Variants in FRMD6 observed in about 807,000 individuals in gnomAD.
FRMD6 encodes the protein FERM domain containing 6.
In FRMD6, 37 loss-of-function variants were observed where a neutral mutation model predicts 73.2. That is an observed-to-expected ratio of 0.51 (90% confidence interval 0.39 to 0.66). The LOEUF (loss-of-function observed/expected upper bound fraction) is 0.66, where lower values mean the gene tolerates loss of function less well. FRMD6 is among the 30% of genes least tolerant of loss of function. The probability of loss-of-function intolerance (pLI) is 0.00; values close to 1 mark genes in which losing one functional copy is unlikely to be tolerated. For synonymous variants in FRMD6, 273 were observed against 282.2 expected (o/e 0.97, Z 0.33); for missense variants, 714 against 780.5 (o/e 0.91, Z 1.02).
intron 2 of FRMD6, among the ~76,000 whole-genome samples, chr14:51,587,109 A>G (rs976318363): frequency 2.6e-5 from 4 of 152,156 alleles, no homozygotes; most frequent in Non-Finnish European, 5.9e-5. Context: ...ATTCTTCTGC[A>G]TGTGGCTATG....
intron 2 of FRMD6, among the ~76,000 whole-genome samples, chr14:51,598,971 C>T (rs1181894523): frequency 2.6e-5 from 4 of 151,292 alleles, no homozygotes; most frequent in African/African-American, 9.7e-5. Context: ...AATCTCCAAA[C>T]TGCTTTCCAC....
chr14:51,641,877 G>A (rs1432935594), intron 2 of FRMD6, among the ~76,000 whole-genome samples: 1 of 152,010 alleles, frequency 6.6e-6, no homozygotes, highest in African/African-American at 2.4e-5. Flanking sequence ...ATAAAGCTGT[G>A]ACACCAAAAA....
intron 1 of FRMD6, among the ~76,000 whole-genome samples, chr14:51,522,666 C>CT (rs1885015675): frequency 1.3e-5 from 2 of 152,188 alleles, no homozygotes; most frequent in Admixed American, 1.3e-4. Context: ...CACAAGTGTC[C>CT]CTTTTTGGGA....
chr14:51,633,899 G>A (rs1891440485), intron 2 of FRMD6, among the ~76,000 whole-genome samples: 2 of 152,160 alleles, frequency 1.3e-5, no homozygotes, highest in South Asian at 4.1e-4. Context: ...CAGAAATTCA[G>A]TACATGCAGA....
chr14:51,492,939 C>T (rs1262943306), intron 1 of FRMD6, among the ~76,000 whole-genome samples: 1 of 152,178 alleles, frequency 6.6e-6, no homozygotes. Flanking sequence ...GCCTGGATTA[C>T]AAACTCCTTC....
intron 1 of FRMD6, among the ~76,000 whole-genome samples, chr14:51,561,556 A>G (rs1400187247): frequency 6.6e-6 from 1 of 152,262 alleles, no homozygotes; most frequent in Non-Finnish European, 1.5e-5. Flanking sequence ...GGCAAATAGC[A>G]ATAGACTTGT....
At chr14:51,562,517 G>A (rs992512594) in intron 1 of FRMD6, among the ~76,000 whole-genome samples, 8 of 152,178 alleles carry the variant, frequency 5.3e-5, no homozygotes, top group African/African-American at 1.2e-4. Context: ...TCAACCATGC[G>A]TGGGGACTGC....
At chr14:51,667,368 T>G (rs1466880312) in intron 1 of FRMD6, among the ~76,000 whole-genome samples, 1 of 152,174 alleles carries the variant, frequency 6.6e-6, no homozygotes, top group East Asian at 1.9e-4. Flanking sequence ...GTCGGAAGAA[T>G]GAAGTAATAT....
At chr14:51,661,700 A>T (rs569429936) in intron 1 of FRMD6, among the ~76,000 whole-genome samples, 10 of 152,344 alleles carry the variant, frequency 6.6e-5, no homozygotes, top group Admixed American at 3.3e-4. Flanking sequence ...AGAGTTGCTC[A>T]TTGGATTTAG....
intron 1 of FRMD6, among the ~76,000 whole-genome samples, chr14:51,540,769 A>C (rs192043786): frequency 6.6e-6 from 1 of 152,258 alleles, no homozygotes; most frequent in African/African-American, 2.4e-5. Context: ...AAATGAAATA[A>C]TTGTTTTGCT....
chr14:51,597,311 C>A (rs939312065), intron 2 of FRMD6, among the ~76,000 whole-genome samples: 1 of 152,218 alleles, frequency 6.6e-6, no homozygotes, highest in Non-Finnish European at 1.5e-5. Flanking sequence ...AAGTACTTCG[C>A]TATTTCAGCA....
chr14:51,523,435 G>T (rs1885057666), intron 1 of FRMD6, among the ~76,000 whole-genome samples: 1 of 152,158 alleles, frequency 6.6e-6, no homozygotes, highest in Non-Finnish European at 1.5e-5. Context: ...ATGCAGAACT[G>T]GGGCAACGCT....
Position 51,701,107 on chromosome 14 carries a change from C to T in FRMD6, c.242C>T (p.Pro81Leu). The T allele has an allele frequency of 6.3e-7, 1 of 1,576,162 alleles. No homozygotes were observed. Among genetic ancestry groups the T allele is most frequent in the Non-Finnish European group, 8.6e-7 (1 of 1,157,800 alleles). ...ELSQKLYKYC[P>L]KEWKKEASKV... is the part of the protein sequence containing the mutation. ...TCACAAAAGCTTTACAAATATTGTCCAAAAGAATGGAAGAAAGAGGCCAGC... is the reference window on the plus strand; with the variant it reads ...TCACAAAAGCTTTACAAATATTGTCTAAAAGAATGGAAGAAAGAGGCCAGC... The change falls in exon 4 of 14, where the codon CCA becomes CTA. Residue 81 changes from proline (P) to leucine (L), a missense_variant. Pro to Leu is a moderately conservative substitution (Grantham distance 98). Coordinates refer to ENST00000344768, the MANE Select transcript of FRMD6 (RefSeq NM_001267046.2).
At chr14:51,661,556 A>G (rs1893220765) in intron 1 of FRMD6, among the ~76,000 whole-genome samples, 1 of 152,168 alleles carries the variant, frequency 6.6e-6, no homozygotes, top group South Asian at 2.1e-4. Context: ...TCAGTAAAAG[A>G]AAATTAAAAA....
chr14:51,521,767 G>A (rs1185104337), intron 1 of FRMD6, among the ~76,000 whole-genome samples: 1 of 150,654 alleles, frequency 6.6e-6, no homozygotes, highest in Non-Finnish European at 1.5e-5. Flanking sequence ...AAATTTTCAT[G>A]CAGGAGGCTT....
chr14:51,667,380 G>GTATCC (rs969563436), intron 1 of FRMD6, among the ~76,000 whole-genome samples: 1 of 151,990 alleles, frequency 6.6e-6, no homozygotes, highest in Non-Finnish European at 1.5e-5. Flanking sequence ...AAGTAATATG[G>GTATCC]TATCCTGAAA....
At chr14:51,579,274 C>T (rs1376215826) in intron 2 of FRMD6, 1 of 152,074 alleles carries the variant, frequency 6.6e-6, no homozygotes, top group Non-Finnish European at 1.5e-5. Flanking sequence ...TGCAGAGTGC[C>T]CTGATAATAA....
chr14:51,434,144 A>C, the FRMD6 span, among the ~76,000 whole-genome samples: 1 of 152,170 alleles, frequency 6.6e-6, no homozygotes, highest in Non-Finnish European at 1.5e-5. Context: ...TTAGAATAGG[A>C]GGTATCAGCG....
At chr14:51,600,904 C>T (rs1257422344) in intron 2 of FRMD6, among the ~76,000 whole-genome samples, 2 of 152,156 alleles carry the variant, frequency 1.3e-5, no homozygotes, top group Non-Finnish European at 2.9e-5. Flanking sequence ...CAGCAGTTGC[C>T]CATAGCCTGG....
Sources: allele counts gnomAD v4.1 joint callset (sites outside exome capture counted in the v4.1 genomes callset), GRCh38; gene constraint gnomAD v4.1.1; transcripts MANE v1.5; gene names NCBI Gene and HGNC (gene_info 2026-07-23, HGNC 2026-07-21).